The following OR3A2 variants were observed in gnomAD, a reference collection of about 807,000 sequenced individuals.
OR3A2 encodes olfactory receptor family 3 subfamily A member 2.
For synonymous variants in OR3A2, 126 were observed against 159.3 expected (o/e 0.79, Z 1.57); for missense variants, 318 against 392.8 (o/e 0.81, Z 1.61).
intron 2 of OR3A2, among the ~76,000 whole-genome samples, chr17:3,339,652 G>A (rs566796289): frequency 3.1e-4 from 47 of 152,212 alleles, no homozygotes; most frequent in Admixed American, 5.2e-4. Flanking sequence ...TAAGCTTTTT[G>A]ATGTGCTGCT....
At chr17:3,283,809 T>C (rs1442181391) in intron 1 of OR3A2, among the ~76,000 whole-genome samples, 1 of 151,444 alleles carries the variant, frequency 6.6e-6, no homozygotes. Flanking sequence ...AAGTAAGTCA[T>C]GGTCAGGGGT....
chr17:3,375,594 G>A (rs1177180067), intron 2 of OR3A2, among the ~76,000 whole-genome samples: 1 of 152,102 alleles, frequency 6.6e-6, no homozygotes. Context: ...GAGCCACCGT[G>A]CCTGGCCCAG....
At chr17:3,372,521 C>A (rs1358895799) in intron 2 of OR3A2, among the ~76,000 whole-genome samples, 2 of 151,964 alleles carry the variant, frequency 1.3e-5, no homozygotes, top group Non-Finnish European at 2.9e-5. Flanking sequence ...CACTGCACTC[C>A]AGCCTGGGCA....
At chr17:3,381,308 C>A (rs979108067) in intron 2 of OR3A2, among the ~76,000 whole-genome samples, 1 of 149,004 alleles carries the variant, frequency 6.7e-6, no homozygotes, top group African/African-American at 2.5e-5. Flanking sequence ...TGAGCTGCCT[C>A]AAACATAGGG....
chr17:3,346,754 T>C (rs1037432330), intron 2 of OR3A2, among the ~76,000 whole-genome samples: 4 of 152,162 alleles, frequency 2.6e-5, no homozygotes, highest in African/African-American at 9.7e-5. Context: ...TCAATTGTTT[T>C]GATTTTTAGA....
intron 3 of OR3A2, among the ~76,000 whole-genome samples, chr17:3,322,428 T>G (rs954948559): frequency 2.6e-5 from 4 of 152,198 alleles, no homozygotes; most frequent in African/African-American, 9.7e-5. Flanking sequence ...TGAACGTGTT[T>G]GCTCTTGCTT....
At chr17:3,340,296 T>C (rs1277530676) in intron 2 of OR3A2, among the ~76,000 whole-genome samples, 3 of 152,214 alleles carry the variant, frequency 2.0e-5, no homozygotes, top group Non-Finnish European at 4.4e-5. Context: ...TAGTTATTTC[T>C]TGCCTTCTGC....
intron 3 of OR3A2, among the ~76,000 whole-genome samples, chr17:3,304,962 T>C (rs1332517007): frequency 3.3e-5 from 5 of 152,252 alleles, no homozygotes; most frequent in Non-Finnish European, 7.3e-5. Context: ...AATTAATCTA[T>C]GTTGAAAAAA....
intron 3 of OR3A2, among the ~76,000 whole-genome samples, chr17:3,327,866 T>C (rs1361637853): frequency 7.4e-6 from 1 of 135,564 alleles, no homozygotes; most frequent in Non-Finnish European, 1.6e-5. Flanking sequence ...CAGATAGCTG[T>C]AGACATGCGG....
intron 2 of OR3A2, among the ~76,000 whole-genome samples, chr17:3,357,170 C>T (rs570883077): frequency 6.6e-6 from 1 of 151,816 alleles, no homozygotes; most frequent in African/African-American, 2.4e-5. Flanking sequence ...ATAGGTGGTA[C>T]TAATACAGCT....
intron 3 of OR3A2, among the ~76,000 whole-genome samples, chr17:3,330,525 G>T (rs2049221976): frequency 6.6e-6 from 1 of 152,070 alleles, no homozygotes; most frequent in African/African-American, 2.4e-5. Flanking sequence ...CAGAGACTAG[G>T]ATTGCAACCC....
chr17:3,315,628 A>C lies in OR3A2; in HGVS notation c.-85+20405T>G, dbSNP rs78573540. On this transcript the variant is annotated intron_variant, in intron 3 of 4. Coordinates refer to the OR3A2 transcript ENST00000573491. ...CACAGTTTGTGAATATTTTCTCCCA[A>C]TCCATAGGTTGTCTGTTTATTCTGC... 9.9e-5 allele frequency among the ~76,000 whole-genome samples: 15 copies of C among 151,882 alleles called. No homozygotes were observed. In the East Asian group the frequency reaches 2.9e-3, roughly 29 times the overall value.
intron 2 of OR3A2, among the ~76,000 whole-genome samples, chr17:3,371,902 G>A (rs1490038857): frequency 3.6e-4 from 54 of 148,826 alleles, no homozygotes; most frequent in Non-Finnish European, 6.4e-4. Context: ...CCTCCCGGAC[G>A]GGGCGGCTGG....
intron 3 of OR3A2, among the ~76,000 whole-genome samples, chr17:3,334,685 TTA>T (rs1260400001): frequency 6.6e-6 from 1 of 152,184 alleles, no homozygotes; most frequent in African/African-American, 2.4e-5. Flanking sequence ...TGGGTTAAAT[TTA>T]TAGATTGATT....
At chr17:3,369,733 A>C (rs1165490743) in intron 2 of OR3A2, among the ~76,000 whole-genome samples, 2 of 150,336 alleles carry the variant, frequency 1.3e-5, no homozygotes, top group African/African-American at 2.4e-5. Flanking sequence ...TATTAGGGTA[A>C]TCCTGGCTTC....
chr17:3,278,098 C>T (rs868588159), exon 2 of OR3A2: 2 of 1,614,252 alleles, frequency 1.2e-6, no homozygotes, highest in South Asian at 1.1e-5. Context: ...ACCCCTTTAT[C>T]CTTGTCTGAA....
intron 2 of OR3A2, among the ~76,000 whole-genome samples, chr17:3,383,407 T>C (rs1203409733): frequency 2.0e-5 from 3 of 152,212 alleles, no homozygotes; most frequent in African/African-American, 7.2e-5. Context: ...TGTATGTGCA[T>C]TACCTCTTTA....
intron 2 of OR3A2, among the ~76,000 whole-genome samples, chr17:3,350,985 C>G (rs1597354097): frequency 6.6e-6 from 1 of 151,950 alleles, no homozygotes; most frequent in Non-Finnish European, 1.5e-5. Context: ...ATTCAACAAC[C>G]TTTCATGCTA....
intron 2 of OR3A2, among the ~76,000 whole-genome samples, chr17:3,337,653 T>C (rs1243769661): frequency 3.3e-5 from 5 of 152,192 alleles, no homozygotes; most frequent in African/African-American, 1.2e-4. Flanking sequence ...ATGTGCCACA[T>C]TTTCTTAATC....
Sources: gnomAD v4.1 joint callset for allele counts (sites outside exome capture counted in the v4.1 genomes callset) on GRCh38, gnomAD v4.1.1 for gene constraint, MANE v1.5 for transcripts, NCBI Gene and HGNC (gene_info 2026-07-23, HGNC 2026-07-21) for gene names.